PEMT: variants seen among roughly 807,000 people sequenced by gnomAD.
The protein encoded by PEMT is phosphatidylethanolamine N-methyltransferase.
A neutral mutation model predicts 27.4 loss-of-function variants in PEMT; 23 were observed. The observed-to-expected ratio is 0.84, with a 90% CI of 0.60 to 1.19. The LOEUF is 1.19. Ranked by LOEUF, PEMT falls within the 50% of genes most tolerant of loss-of-function variation. The pLI, the probability that PEMT is intolerant of heterozygous loss-of-function variation, is 0.00. For missense variants in PEMT, 307 were observed against 310.1 expected (o/e 0.99, Z 0.07); for synonymous variants, 137 against 139.1 (o/e 0.98, Z 0.11).
chr17:17,514,663 C>T (rs1906679737), intron 3 of PEMT, among the ~76,000 whole-genome samples: 1 of 152,238 alleles, frequency 6.6e-6, no homozygotes, highest in Non-Finnish European at 1.5e-5. Context: ...GGGATTGGCT[C>T]AGGGTCACGG....
chr17:17,564,363 C>T (rs1910686029), intron 2 of PEMT, among the ~76,000 whole-genome samples: 1 of 122,444 alleles, frequency 8.2e-6, no homozygotes. Context: ...CCAAATCCAG[C>T]TGTTTCCAAG....
intron 3 of PEMT, among the ~76,000 whole-genome samples, chr17:17,514,681 T>C (rs1490024676): frequency 6.6e-6 from 1 of 152,218 alleles, no homozygotes; most frequent in African/African-American, 2.4e-5. Flanking sequence ...CGGGCTGCCA[T>C]GGAATCAGGT....
intron 5 of PEMT, chr17:17,507,787 G>A (rs1308343130): frequency 6.5e-6 from 1 of 155,024 alleles, no homozygotes; most frequent in Admixed American, 6.3e-5. Flanking sequence ...GGAGGCCTGT[G>A]GGGGTCCCCG....
intron 2 of PEMT, among the ~76,000 whole-genome samples, chr17:17,538,581 ATAC>A (rs1430016576): frequency 2.2e-4 from 34 of 152,268 alleles, no homozygotes; most frequent in African/African-American, 8.2e-4. Flanking sequence ...AAATTAATAA[ATAC>A]ATTAAAGGGG....
intron 5 of PEMT, chr17:17,506,865 C>T (rs187046174): frequency 1.9e-5 from 8 of 422,702 alleles, no homozygotes; most frequent in East Asian, 4.1e-5. Context: ...GCTGCCGCCC[C>T]GCCCAGCCCT....
At chr17:17,586,288 G>GAAAGAAAGAAAGA (rs1555546133) in intron 1 of PEMT, among the ~76,000 whole-genome samples, 9 of 72,010 alleles carry the variant, frequency 1.2e-4, no homozygotes, top group East Asian at 3.9e-4. Context: ...AAGAAAGAAA[G>GAAAGAAAGAAAGA]AAAAAAAAAA....
chr17:17,507,322 C>T, intron 5 of PEMT: 1 of 771,788 alleles, frequency 1.3e-6, no homozygotes, highest in Non-Finnish European at 2.2e-6. Context: ...TCCTTGGCTG[C>T]CCCTGTGCCA....
chr17:17,513,470 A>G lies in PEMT; in HGVS notation c.321-816T>C, dbSNP rs970602010. ...AAATTAGCTGGGTGTGGTGGTGGGC[A>G]CCTGGAATCCCAGCTACTTGAGAGG... On this transcript the variant is annotated intron_variant, in intron 3 of 6. Coordinates refer to ENST00000255389, the MANE Select transcript of PEMT (RefSeq NM_148172.3). The surrounding 1 kb of genome is among the most constrained non-coding windows in gnomAD (Gnocchi z 4.1). 1.3e-5 allele frequency among the ~76,000 whole-genome samples: 2 copies of G among 152,140 alleles called. No homozygotes were observed. The highest frequency in any genetic ancestry group is 2.4e-5 in the African/African-American group (1 of 41,424).
chr17:17,573,866 C>T (rs1020996891), intron 2 of PEMT, among the ~76,000 whole-genome samples: 4 of 152,178 alleles, frequency 2.6e-5, no homozygotes, highest in Non-Finnish European at 4.4e-5. Context: ...ACTGCAGCCT[C>T]GACCTCCTGG....
chr17:17,562,407 C>T (rs1439824809), intron 2 of PEMT, among the ~76,000 whole-genome samples: 1 of 152,116 alleles, frequency 6.6e-6, no homozygotes, highest in Non-Finnish European at 1.5e-5. Flanking sequence ...CACTGAGCTC[C>T]TGATGGGGAG....
At chr17:17,570,165 G>A (rs943778466) in intron 2 of PEMT, among the ~76,000 whole-genome samples, 5 of 152,236 alleles carry the variant, frequency 3.3e-5, no homozygotes, top group African/African-American at 4.8e-5. Context: ...TACAACAGGT[G>A]CCCTACCCTC....
intron 3 of PEMT, among the ~76,000 whole-genome samples, chr17:17,515,890 G>A (rs945674560): frequency 1.3e-5 from 2 of 152,314 alleles, no homozygotes; most frequent in Non-Finnish European, 2.9e-5. Flanking sequence ...AGTCATTAAT[G>A]TGATTTGAGG....
chr17:17,521,290 GT>G (rs960392134), intron 3 of PEMT, among the ~76,000 whole-genome samples: 6 of 152,312 alleles, frequency 3.9e-5, no homozygotes, highest in African/African-American at 1.4e-4. Flanking sequence ...ATGAGCTGCC[GT>G]GCGCAATGAT....
chr17:17,563,605 T>C (rs1398118992), intron 2 of PEMT, among the ~76,000 whole-genome samples: 3 of 152,228 alleles, frequency 2.0e-5, no homozygotes, highest in Non-Finnish European at 4.4e-5. Context: ...CCATCCACGC[T>C]GGCTTTATTG....
intron 1 of PEMT, among the ~76,000 whole-genome samples, chr17:17,581,917 T>C (rs189182936): frequency 1.1e-4 from 16 of 152,300 alleles, no homozygotes; most frequent in Non-Finnish European, 2.1e-4. Context: ...AGAGACATGA[T>C]AGTCCCTTTC....
chr17:17,592,010 G>A (rs1912615719), upstream of PEMT: 1 of 985,430 alleles, frequency 1.0e-6, no homozygotes, highest in Non-Finnish European at 1.2e-6. Flanking sequence ...GCTAGAGGCC[G>A]GGGGCCGCGG....
At chr17:17,541,050 A>G (rs2142599994) in intron 2 of PEMT, among the ~76,000 whole-genome samples, 1 of 152,318 alleles carries the variant, frequency 6.6e-6, no homozygotes, top group South Asian at 2.1e-4. Context: ...TGCTCGGCTG[A>G]GACGGGGACA....
intron 2 of PEMT, among the ~76,000 whole-genome samples, chr17:17,536,335 A>G (rs1908470232): frequency 6.6e-6 from 1 of 152,194 alleles, no homozygotes; most frequent in African/African-American, 2.4e-5. Context: ...GTTCCTGAAC[A>G]TTCTGGGGCC....
At chr17:17,506,915 C>A in intron 5 of PEMT, 1 of 523,306 alleles carries the variant, frequency 1.9e-6, no homozygotes. Flanking sequence ...GGTGGTGGGA[C>A]AGCAGCCCCA....
Sources: allele counts gnomAD v4.1 joint callset (sites outside exome capture counted in the v4.1 genomes callset), GRCh38; gene constraint gnomAD v4.1.1; non-coding constraint Gnocchi (gnomAD v3.1); transcripts MANE v1.5; gene names NCBI Gene and HGNC (gene_info 2026-07-23, HGNC 2026-07-21).